The following ASH1L variants were observed in gnomAD, a reference collection of about 807,000 sequenced individuals.
The protein encoded by ASH1L is histone-lysine N-methyltransferase ASH1L.
In ASH1L, 23 loss-of-function variants were observed where a neutral mutation model predicts 269.0. That is an observed-to-expected ratio of 0.09 (90% CI 0.06 to 0.12). ASH1L has a LOEUF of 0.12. ASH1L is among the 10% of genes least tolerant of loss of function. The pLI, the probability that ASH1L is intolerant of heterozygous loss-of-function variation, is 1.00. For missense variants in ASH1L, 2,912 were observed against 3,567.8 expected (o/e 0.82, Z 4.68); for synonymous variants, 1,187 against 1,253.5 (o/e 0.95, Z 1.12).
At chr1:155,556,965 G>A (rs1671637404) in intron 1 of ASH1L, among the ~76,000 whole-genome samples, 1 of 152,128 alleles carries the variant, frequency 6.6e-6, no homozygotes, top group Admixed American at 6.6e-5. Context: ...GAGCCCAAGA[G>A]GTAGAGCATG....
chr1:155,378,018 G>A (rs189097345), intron 10 of ASH1L, among the ~76,000 whole-genome samples: 18 of 148,114 alleles, frequency 1.2e-4, no homozygotes, highest in South Asian at 2.1e-4. Context: ...GGGAGACTCC[G>A]TCTCAAAAAA....
intron 2 of ASH1L, among the ~76,000 whole-genome samples, chr1:155,486,406 G>A (rs1666329508): frequency 6.6e-6 from 1 of 151,618 alleles, no homozygotes; most frequent in African/African-American, 2.4e-5. Context: ...GGGAGGTGGG[G>A]AAGGTTAATG....
At chr1:155,344,324 C>A in intron 21 of ASH1L, 51 bp from the exon 22 acceptor site, 1 of 1,356,056 alleles carries the variant, frequency 7.4e-7, no homozygotes, top group Non-Finnish European at 1.1e-6. Flanking sequence ...CTACATTCAG[C>A]CTACTTATTT....
chr1:155,559,794 T>G (rs1164900591), intron 1 of ASH1L, among the ~76,000 whole-genome samples: 1 of 152,174 alleles, frequency 6.6e-6, no homozygotes, highest in Non-Finnish European at 1.5e-5. Context: ...TTGATTTTTG[T>G]GTCTCCTGCA....
intron 13 of ASH1L, among the ~76,000 whole-genome samples, chr1:155,359,377 A>G (rs1654731942): frequency 2.0e-5 from 3 of 152,184 alleles, no homozygotes; most frequent in South Asian, 4.1e-4. Flanking sequence ...CCTGGGTTCA[A>G]GCGATTCTCC....
intron 15 of ASH1L, among the ~76,000 whole-genome samples, chr1:155,356,987 T>C (rs2148368860): frequency 6.7e-6 from 1 of 148,706 alleles, no homozygotes; most frequent in South Asian, 2.1e-4. Context: ...CCCCAGCTAC[T>C]TGGGAGGATG....
Position 155,381,124 on chromosome 1 carries a change from C to T in ASH1L, c.6104-1008G>A, listed in dbSNP as rs117718489. Reference sequence around the variant, plus strand: ...GATGCTGGTGCAAATAAACCTATAGCGCTACCAGTTGAATACAAGCATAGC... The same window carrying T: ...GATGCTGGTGCAAATAAACCTATAGTGCTACCAGTTGAATACAAGCATAGC... On this transcript the variant is annotated intron_variant, in intron 7 of 27. Transcript: ENST00000392403. Among the ~76,000 whole-genome samples the T allele has an allele frequency of 3.5e-4, 53 of 152,156 alleles. No homozygotes were observed. In the East Asian group the frequency reaches 8.9e-3, roughly 25 times the overall value.
At chr1:155,367,674 G>A (rs1197399248) in intron 12 of ASH1L, among the ~76,000 whole-genome samples, 2 of 151,980 alleles carry the variant, frequency 1.3e-5, no homozygotes, top group Non-Finnish European at 2.9e-5. Context: ...GTTGAATACT[G>A]TTTAATGCTT....
intron 19 of ASH1L, among the ~76,000 whole-genome samples, chr1:155,348,775 G>A (rs1384478599): frequency 1.3e-5 from 2 of 151,996 alleles, no homozygotes; most frequent in African/African-American, 4.8e-5. Flanking sequence ...CAGCTACTCA[G>A]GAGGCTGAGG....
At chr1:155,340,629 T>A (rs557890937) in intron 25 of ASH1L, among the ~76,000 whole-genome samples, 6 of 152,064 alleles carry the variant, frequency 3.9e-5, no homozygotes, top group Admixed American at 2.6e-4. Context: ...GAATGATGAA[T>A]GACAAAACGT....
In ASH1L at chr1:155,352,620, T is replaced by A; in HGVS notation, c.7366+86A>T. ...AGGAGTCTGAGACTAGCCTGGGCAA[T>A]ATAGCAAGACCCTATCTCTATTTAT... is the stretch of plus-strand genomic sequence containing the variant. On this transcript the variant is annotated intron_variant, in intron 17 of 27. Coordinates refer to ENST00000392403, the MANE Select transcript of ASH1L (RefSeq NM_018489.3). 2.2e-6 allele frequency: 3 copies of A among 1,366,424 alleles called. No individual in the cohort carries two copies. The South Asian group carries it at 4.9e-5, about 22-fold the overall frequency. 84.6% of individuals were successfully genotyped at this position (1,366,424 alleles called of 1,614,324 possible). A position where few individuals can be genotyped will look rare whatever the true frequency, so the allele number is the denominator to read the frequency against.
At chr1:155,544,449 G>A (rs910000740) in intron 1 of ASH1L, among the ~76,000 whole-genome samples, 5 of 151,740 alleles carry the variant, frequency 3.3e-5, no homozygotes, top group Admixed American at 6.6e-5. Context: ...ACCACGACCA[G>A]CCAATTTTTT....
At chr1:155,341,094 C>T (rs1277332158) in intron 25 of ASH1L, among the ~76,000 whole-genome samples, 1 of 151,936 alleles carries the variant, frequency 6.6e-6, no homozygotes, top group East Asian at 1.9e-4. Context: ...GCCTCAGTCT[C>T]CTGAGTAGCT....
chr1:155,553,807 T>A (rs894076015), intron 1 of ASH1L, among the ~76,000 whole-genome samples: 12 of 152,116 alleles, frequency 7.9e-5, no homozygotes, highest in Non-Finnish European at 1.6e-4. Context: ...TAGAATTTTT[T>A]TTTTTTTTTG....
In ASH1L at chr1:155,370,878, T is replaced by C. The variant is rs766656847; in HGVS notation, c.6438A>G (p.Arg2146=). The change falls in exon 11 of 28, where the codon CGA becomes CGG. Residue 2146 remains arginine, a synonymous_variant. Coordinates refer to ENST00000392403, the MANE Select transcript of ASH1L (RefSeq NM_018489.3). The part of the protein sequence containing the change: ...HEWVQCLERF[R]AEEKGWGIRT... ...TGATTCCCCAACCTTTTTCCTCAGCTCGAAATCGTTCTAGACATTGCACCC... is the reference window on the plus strand; with the variant it reads ...TGATTCCCCAACCTTTTTCCTCAGCCCGAAATCGTTCTAGACATTGCACCC... 1 of 1,614,132 alleles carries C rather than the reference T, an allele frequency of 6.2e-7. No homozygotes were observed. The highest frequency in any genetic ancestry group is 1.1e-5 in the South Asian group (1 of 91,084).
chr1:155,440,317 A>C (rs1043654984), intron 4 of ASH1L, among the ~76,000 whole-genome samples: 9 of 152,182 alleles, frequency 5.9e-5, no homozygotes, highest in Admixed American at 2.0e-4. Flanking sequence ...CTAGAAAAAT[A>C]ATAAAATTTA....
chr1:155,337,649 T>C lies in ASH1L; in HGVS notation c.*11A>G. ...GGATCCCAGATGCTTGAGGTTCTCATTCTTTGAGGGTCACTTTCGAAAGCT... is the reference window on the plus strand; with the variant it reads ...GGATCCCAGATGCTTGAGGTTCTCACTCTTTGAGGGTCACTTTCGAAAGCT... On this transcript the variant is annotated 3_prime_UTR_variant, in exon 28 of 28. Coordinates refer to ENST00000392403, the MANE Select transcript of ASH1L (RefSeq NM_018489.3). The C allele has an allele frequency of 6.2e-7, 1 of 1,611,612 alleles. No individual in the cohort carries two copies. Among genetic ancestry groups the C allele is most frequent in the Admixed American group, 1.7e-5 (1 of 59,980 alleles).
chr1:155,405,829 CAAAA>C (rs201440660), intron 6 of ASH1L, among the ~76,000 whole-genome samples: 5 of 77,042 alleles, frequency 6.5e-5, no homozygotes, highest in Admixed American at 1.5e-4. Flanking sequence ...TTCTCTGTGT[CAAAA>C]AAAAAAAAAA....
chr1:155,424,918 C>T (rs1326412830), intron 5 of ASH1L, among the ~76,000 whole-genome samples: 2 of 151,530 alleles, frequency 1.3e-5, no homozygotes, highest in African/African-American at 4.9e-5. Context: ...ATGATTCTGC[C>T]TCAGCCTCAC....
Sources: gnomAD v4.1 joint callset for allele counts (sites outside exome capture counted in the v4.1 genomes callset) on GRCh38, gnomAD v4.1.1 for gene constraint, MANE v1.5 for transcripts, NCBI Gene and HGNC (gene_info 2026-07-23, HGNC 2026-07-21) for gene names.